GUCA1A: variants seen among roughly 807,000 people sequenced by gnomAD.
GUCA1A encodes the protein guanylate cyclase activator 1A, also known as guanylyl cyclase-activating protein 1.
Under a neutral mutation model 18.5 loss-of-function variants are expected in GUCA1A, and 14 were observed. The observed-to-expected ratio is 0.76, with a 90% CI of 0.50 to 1.18. The LOEUF (loss-of-function observed/expected upper bound fraction) is 1.18. GUCA1A is among the 50% of genes most tolerant of loss of function. The pLI, the probability that GUCA1A is intolerant of heterozygous loss-of-function variation, is 0.00. For synonymous variants in GUCA1A, 97 were observed against 100.2 expected (o/e 0.97, Z 0.19); for missense variants, 264 against 262.4 (o/e 1.01, Z -0.04).
At position 42,179,932 on chromosome 6, in the gene GUCA1A, C is replaced by T. The variant is rs941959301; in HGVS notation, c.*529C>T. On this transcript the variant is annotated 3_prime_UTR_variant, in exon 4 of 4. Transcript: ENST00000372958. ...CTCCCTTCAACAAGCATTTACTGAGCGCCTACTATGTACTAATGCTAGATG... is the reference window on the plus strand; with the variant it reads ...CTCCCTTCAACAAGCATTTACTGAGTGCCTACTATGTACTAATGCTAGATG... 1.3e-5 allele frequency: 2 copies of T among 152,586 alleles called. No homozygotes were observed. Among genetic ancestry groups the T allele is most frequent in the African/African-American group, 4.8e-5 (2 of 41,436 alleles). 9.5% of individuals were successfully genotyped at this position (152,586 alleles called of 1,614,324 possible).
At chr6:42,175,830 C>G (rs1767945764) in intron 1 of GUCA1A, among the ~76,000 whole-genome samples, 1 of 152,180 alleles carries the variant, frequency 6.6e-6, no homozygotes, top group Non-Finnish European at 1.5e-5. Context: ...GCCTGGGACC[C>G]TCTCTGCCCC....
At chr6:42,176,040 C>T (rs976778390) in intron 1 of GUCA1A, among the ~76,000 whole-genome samples, 2 of 152,170 alleles carry the variant, frequency 1.3e-5, no homozygotes, top group African/African-American at 2.4e-5. Flanking sequence ...TTCACCATTA[C>T]GTTTATCGCC....
In GUCA1A at chr6:42,173,546, A is replaced by T; in HGVS notation, c.-68A>T. 1 of 1,330,502 alleles carries T rather than the reference A, an allele frequency of 7.5e-7. No individual in the cohort carries two copies. Among genetic ancestry groups the T allele is most frequent in the South Asian group, 1.2e-5 (1 of 85,364 alleles). 82.4% of individuals were successfully genotyped at this position (1,330,502 alleles called of 1,614,324 possible). On this transcript the variant is annotated 5_prime_UTR_variant, in exon 1 of 4. Coordinates refer to ENST00000372958, the MANE Select transcript of GUCA1A (RefSeq NM_001384910.1). Reference sequence around the variant, plus strand: ...GGACGGCCCCGTTGTCGGCCAAGACACCTTTGGGCGAGGAGCAGCGAACAG... The same window carrying T: ...GGACGGCCCCGTTGTCGGCCAAGACTCCTTTGGGCGAGGAGCAGCGAACAG...
chr6:42,177,156 C>T (rs1767979954), intron 1 of GUCA1A, among the ~76,000 whole-genome samples: 1 of 152,128 alleles, frequency 6.6e-6, no homozygotes, highest in South Asian at 2.1e-4. Flanking sequence ...GCACACAAAT[C>T]AATGCAAATC....
Position 42,178,821 on chromosome 6 carries a change from C to T in GUCA1A, c.371C>T (p.Pro124Leu), listed in dbSNP as rs760550643. The T allele has an allele frequency of 1.2e-6, 2 of 1,613,172 alleles. No homozygotes were observed. Among genetic ancestry groups the T allele is most frequent in the East Asian group, 2.2e-5 (1 of 44,862 alleles). ...TIIQAIRAIN[P>L]CSDTTMTAEE... Reference sequence around the variant, plus strand: ...TCCCAGGCCATTCGCGCCATTAACCCCTGCAGCGATACCACCATGACTGCA... The same window carrying T: ...TCCCAGGCCATTCGCGCCATTAACCTCTGCAGCGATACCACCATGACTGCA... Residue 124 changes from proline to leucine, a missense_variant, in exon 3 of 4, where the codon CCC (proline) becomes CTC (leucine). Transcript: ENST00000372958.
In GUCA1A at chr6:42,178,308, TG is replaced by T; in HGVS notation, c.232del (p.Ala78GlnfsTer24). On this transcript the variant is annotated frameshift_variant, in exon 2 of 4. Coordinates refer to ENST00000372958, the MANE Select transcript of GUCA1A (RefSeq NM_001384910.1). LOFTEE classifies it high-confidence loss of function. The part of the protein sequence containing the change: ...KDGYIDFMEY[V>X]AALSLVLKGK... ...GGCTACATTGATTTCATGGAGTACG[TG>T]GCAGCGCTCAGCTTGGTCCTCAAGG... 6.2e-7 allele frequency: 1 copy of T among 1,614,012 alleles called. No individual in the cohort carries two copies. Among genetic ancestry groups the T allele is most frequent in the Non-Finnish European group, 8.5e-7 (1 of 1,179,990 alleles).
At chr6:42,175,291 G>A (rs1040928969) in intron 1 of GUCA1A, among the ~76,000 whole-genome samples, 3 of 151,004 alleles carry the variant, frequency 2.0e-5, no homozygotes, top group Admixed American at 6.6e-5. Context: ...CACATATGAC[G>A]CCGGTGGGGG....
At chr6:42,173,872 T>G in intron 1 of GUCA1A, 58 bp downstream of exon 1, 1 of 1,322,398 alleles carries the variant, frequency 7.6e-7, no homozygotes, top group Admixed American at 1.7e-5. Context: ...TCTGGAAGCC[T>G]GACCAGCTGG....
In GUCA1A at chr6:42,176,606, G is replaced by A. The variant is rs138599049; in HGVS notation, c.202-1674G>A. 7.9e-3 allele frequency among the ~76,000 whole-genome samples: 1,201 copies of A among 152,096 alleles called. 14 individuals are homozygous for A. The highest frequency in any genetic ancestry group is 0.027 in the African/African-American group (1,122 of 41,472). On this transcript the variant is annotated intron_variant, in intron 1 of 3. Coordinates refer to ENST00000372958, the MANE Select transcript of GUCA1A (RefSeq NM_001384910.1). ...CCACCACCACGCCTGGCTAATTTTT[G>A]TATTTTTAGTAGAGACAGGTTTTCA...
rs1582318179 is a variant in GUCA1A at position 42,173,605 on chromosome 6, G to T, written c.-9G>T. 4 of 1,611,516 alleles carry T rather than the reference G, an allele frequency of 2.5e-6. No homozygotes were observed. Among genetic ancestry groups the T allele is most frequent in the Non-Finnish European group, 8.5e-7 (1 of 1,178,158 alleles). On this transcript the variant is annotated 5_prime_UTR_variant, in exon 1 of 4. Transcript: ENST00000372958. The stretch of plus-strand genomic sequence containing the variant: ...CATCTCAGACGTCAGCCCCCTGAAG[G>T]CCTGAGCAATGGGCAACGTGATGGA...
intron 1 of GUCA1A, among the ~76,000 whole-genome samples, chr6:42,176,804 T>C (rs961806224): frequency 6.6e-6 from 1 of 152,106 alleles, no homozygotes; most frequent in African/African-American, 2.4e-5. Flanking sequence ...TTTTTGTAAA[T>C]GAAGTTTTAT....
intron 1 of GUCA1A, 91 bp from the exon 2 acceptor site, chr6:42,178,189 A>G: frequency 6.7e-7 from 1 of 1,483,182 alleles, no homozygotes; most frequent in South Asian, 1.1e-5. Context: ...GCTTGCCGAG[A>G]TGGGCGGAGC....
intron 1 of GUCA1A, among the ~76,000 whole-genome samples, chr6:42,175,042 C>T (rs894565328): frequency 4.6e-5 from 7 of 152,128 alleles, no homozygotes; most frequent in African/African-American, 7.2e-5. Flanking sequence ...AGGGCTTTCC[C>T]GAAGCGGGAG....
Position 42,178,260 on chromosome 6 carries a change from C to A in GUCA1A, c.202-20C>A, listed in dbSNP as rs753842382. On this transcript the variant is annotated intron_variant, in intron 1 of 3. Transcript: ENST00000372958. ...GAGCGGGGCCCGGATGGGCTCACGG[C>A]GGCCGCGCCCCTCGCCCAGGACGGC... 6.2e-7 allele frequency: 1 copy of A among 1,612,422 alleles called. No homozygotes were observed.
chr6:42,178,604 G>A lies in GUCA1A; in HGVS notation c.351+175G>A, dbSNP rs774447007. ...CCAGGCCACGTTCCTTCCCTTCCTTGGCCTCAGTTTCCTCATCAATACCAA... is the reference window on the plus strand; with the variant it reads ...CCAGGCCACGTTCCTTCCCTTCCTTAGCCTCAGTTTCCTCATCAATACCAA... On this transcript the variant is annotated intron_variant, in intron 2 of 3. Coordinates refer to ENST00000372958, the MANE Select transcript of GUCA1A (RefSeq NM_001384910.1). The A allele has an allele frequency of 8.6e-6, 7 of 814,736 alleles. No homozygotes were observed. The South Asian group carries it at 9.5e-5, about 11-fold the overall frequency. The allele number at this position is 814,736 out of a possible 1,614,324, so 50.5% of individuals were successfully genotyped here. A position where few individuals can be genotyped will look rare whatever the true frequency, so the allele number is the denominator to read the frequency against.
At chr6:42,178,035 T>C (rs1337152725) in intron 1 of GUCA1A, among the ~76,000 whole-genome samples, 2 of 152,162 alleles carry the variant, frequency 1.3e-5, no homozygotes, top group East Asian at 3.9e-4. Flanking sequence ...GGATGCTGGC[T>C]TATTAGATTT....
chr6:42,177,852 C>T (rs1767998090), intron 1 of GUCA1A, among the ~76,000 whole-genome samples: 1 of 152,190 alleles, frequency 6.6e-6, no homozygotes, highest in Admixed American at 6.5e-5. Context: ...AAAAGCTCAC[C>T]CAAACCACGC....
intron 1 of GUCA1A, among the ~76,000 whole-genome samples, chr6:42,176,425 G>GTTTT (rs11435399): frequency 1.3e-5 from 2 of 151,688 alleles, no homozygotes; most frequent in African/African-American, 4.9e-5. Flanking sequence ...TTGTTGTTTT[G>GTTTT]TTTTTTGTTG....
In GUCA1A at chr6:42,179,427, A is replaced by T. The variant is rs758790042; in HGVS notation, c.*24A>T. On this transcript the variant is annotated 3_prime_UTR_variant, in exon 4 of 4. Coordinates refer to ENST00000372958, the MANE Select transcript of GUCA1A (RefSeq NM_001384910.1). ...GAGTGCACCGCCCGGCTGCTTCTGC[A>T]CTAGCGGGTGGGGTGGTATGGTGGT... 1 of 1,546,966 alleles carries T rather than the reference A, an allele frequency of 6.5e-7. No individual in the cohort carries two copies. The highest frequency in any genetic ancestry group is 8.8e-7 in the Non-Finnish European group (1 of 1,142,378).
Sources: gnomAD v4.1 joint callset for allele counts (sites outside exome capture counted in the v4.1 genomes callset) on GRCh38, gnomAD v4.1.1 for gene constraint, MANE v1.5 for transcripts, NCBI Gene and HGNC (gene_info 2026-07-23, HGNC 2026-07-21) for gene names.